DOCK9: variants seen among roughly 807,000 people sequenced by gnomAD.
DOCK9 encodes dedicator of cytokinesis protein 9.
In DOCK9, 89 loss-of-function variants were observed where a neutral mutation model predicts 263.3. That is an observed-to-expected ratio of 0.34 (90% confidence interval 0.28 to 0.40). The LOEUF (loss-of-function observed/expected upper bound fraction) is 0.40, where lower values mean the gene tolerates loss of function less well. Among genes scored for constraint, DOCK9 ranks in the 10% least tolerant of loss-of-function variants. The probability of loss-of-function intolerance (pLI) is 1.00; values close to 1 mark genes in which losing one functional copy is unlikely to be tolerated. For missense variants in DOCK9, 2,140 were observed against 2,603.4 expected (o/e 0.82, Z 3.87); for synonymous variants, 976 against 973.1 (o/e 1.00, Z -0.06).
intron 45 of DOCK9, among the ~76,000 whole-genome samples, chr13:98,811,937 TATAA>T (rs1454345511): frequency 5.3e-5 from 8 of 152,208 alleles, no homozygotes; most frequent in Non-Finnish European, 5.9e-5. Context: ...TCTAATGAAG[TATAA>T]ATATTCTTTT....
intron 1 of DOCK9, among the ~76,000 whole-genome samples, chr13:99,084,925 C>T (rs2042270690): frequency 6.6e-6 from 1 of 152,220 alleles, no homozygotes; most frequent in Non-Finnish European, 1.5e-5. Context: ...TGGTCTATTC[C>T]CAACTCCTGC....
chr13:98,858,761 A>AGCTGC (rs2093770041), intron 33 of DOCK9: 1 of 152,234 alleles, frequency 6.6e-6, no homozygotes, highest in Non-Finnish European at 1.5e-5. Context: ...TCACAGCTGC[A>AGCTGC]ATGTCAGTGC....
intron 33 of DOCK9, chr13:98,859,750 T>TGC (rs2093805010): frequency 2.0e-5 from 1 of 49,716 alleles, no homozygotes; most frequent in African/African-American, 6.5e-5. Flanking sequence ...TGTGTGTGTG[T>TGC]GTGTATATAT....
intron 15 of DOCK9, 76 bp downstream of exon 15, chr13:98,897,412 G>C: frequency 6.4e-7 from 1 of 1,570,932 alleles, no homozygotes; most frequent in East Asian, 2.3e-5. Context: ...CAACCTAAGT[G>C]ACTGCTCCCC....
intron 3 of DOCK9, among the ~76,000 whole-genome samples, chr13:98,926,389 CATT>C (rs779876346): frequency 4.6e-5 from 7 of 152,264 alleles, no homozygotes; most frequent in Non-Finnish European, 1.0e-4. Context: ...TTTTTCTTTC[CATT>C]CATAAGGAAA....
At chr13:98,984,293 A>G (rs1478223967) in intron 1 of DOCK9, among the ~76,000 whole-genome samples, 1 of 152,232 alleles carries the variant, frequency 6.6e-6, no homozygotes, top group African/African-American at 2.4e-5. Context: ...CATGAGGTAA[A>G]CAAACAACCA....
intron 2 of DOCK9, among the ~76,000 whole-genome samples, chr13:98,941,168 G>T (rs1358661066): frequency 6.6e-6 from 1 of 152,178 alleles, no homozygotes; most frequent in African/African-American, 2.4e-5. Flanking sequence ...AGATACTTCT[G>T]TGTCTCCTGC....
chr13:98,905,693 G>T (rs949029637), intron 9 of DOCK9, among the ~76,000 whole-genome samples: 1 of 151,720 alleles, frequency 6.6e-6, no homozygotes, highest in African/African-American at 2.4e-5. Context: ...ACATAAAAAT[G>T]GGCAACCAGC....
At position 98,881,957 on chromosome 13, in the gene DOCK9, GAT is replaced by G; in HGVS notation, c.2608_2609del (p.Ile870ProfsTer19). ...TGAGGACTCGGAACAGCTGGTTTAG[GAT>G]AGTGGGCAAGAAGGCGATCATCACG... ...GHVMIAFLPT[I>X]LNQLFRVLTR... On this transcript the variant is annotated frameshift_variant, in exon 24 of 53. Coordinates refer to ENST00000682017, the MANE Select transcript of DOCK9 (RefSeq NM_001366683.2). LOFTEE classifies it high-confidence loss of function. The G allele has an allele frequency of 6.2e-7, 1 of 1,601,396 alleles. No homozygotes were observed. Among genetic ancestry groups the G allele is most frequent in the Non-Finnish European group, 8.5e-7 (1 of 1,174,220 alleles).
intron 23 of DOCK9, 103 bp from the exon 24 acceptor site, chr13:98,882,110 A>T: frequency 1.1e-6 from 1 of 948,354 alleles, no homozygotes; most frequent in Non-Finnish European, 1.6e-6. Context: ...TCCCTCTAAA[A>T]CAAAGGGAAG....
At chr13:98,956,494 T>G (rs1421778136) in intron 1 of DOCK9, among the ~76,000 whole-genome samples, 1 of 152,190 alleles carries the variant, frequency 6.6e-6, no homozygotes, top group Non-Finnish European at 1.5e-5. Flanking sequence ...ACACCCGTAA[T>G]CTCAGCACTT....
chr13:98,819,831 G>A (rs1594326286), intron 45 of DOCK9, among the ~76,000 whole-genome samples: 1 of 152,360 alleles, frequency 6.6e-6, no homozygotes. Flanking sequence ...TCCTGGGATA[G>A]TCTATGGATA....
chr13:98,982,261 G>C (rs1877391436), upstream of DOCK9, among the ~76,000 whole-genome samples: 1 of 152,258 alleles, frequency 6.6e-6, no homozygotes. Context: ...GTGACTCAAA[G>C]GAAAGCTAAC....
intron 15 of DOCK9, among the ~76,000 whole-genome samples, chr13:98,895,708 A>C (rs1027228947): frequency 6.6e-5 from 10 of 152,322 alleles, no homozygotes; most frequent in African/African-American, 2.2e-4. Flanking sequence ...ACGAAGGTTA[A>C]AACTAGTAGT....
At chr13:98,957,731 A>AT (rs2058214273) in intron 1 of DOCK9, among the ~76,000 whole-genome samples, 1 of 152,234 alleles carries the variant, frequency 6.6e-6, no homozygotes, top group Admixed American at 6.5e-5. Flanking sequence ...GTCGTGATTA[A>AT]TAACATTTTC....
intron 1 of DOCK9, among the ~76,000 whole-genome samples, chr13:98,991,390 A>G (rs1360772484): frequency 6.6e-6 from 1 of 152,172 alleles, no homozygotes; most frequent in Middle Eastern, 3.2e-3. Flanking sequence ...AATTTCAATA[A>G]CAAGTGTGAC....
intron 33 of DOCK9, chr13:98,858,458 A>G (rs1222323034): frequency 6.6e-6 from 1 of 152,218 alleles, no homozygotes; most frequent in Non-Finnish European, 1.5e-5. Context: ...TCTAACAGAG[A>G]TGTAAGGAGA....
rs545799699 is a variant in DOCK9 at position 98,975,559 on chromosome 13, A to G, written c.126+2225T>C. On this transcript the variant is annotated intron_variant, in intron 1 of 52. Coordinates refer to ENST00000682017, the MANE Select transcript of DOCK9 (RefSeq NM_001366683.2). ...GAAAGTCTGGAAGTATATACACTGAATTATTAATAATGGTCACCACTGGAG... is the reference window on the plus strand; with the variant it reads ...GAAAGTCTGGAAGTATATACACTGAGTTATTAATAATGGTCACCACTGGAG... 1.7e-3 allele frequency among the ~76,000 whole-genome samples: 258 copies of G among 151,896 alleles called. 1 individual carries two copies. The highest frequency in any genetic ancestry group is 3.1e-3 in the Non-Finnish European group (214 of 67,960).
At chr13:99,012,655 C>G (rs1480432881) in intron 1 of DOCK9, among the ~76,000 whole-genome samples, 1 of 152,140 alleles carries the variant, frequency 6.6e-6, no homozygotes, top group Non-Finnish European at 1.5e-5. Flanking sequence ...CAAGGAAGTA[C>G]CAATGGGCAG....
Sources: gnomAD v4.1 joint callset for allele counts (sites outside exome capture counted in the v4.1 genomes callset) on GRCh38, gnomAD v4.1.1 for gene constraint, MANE v1.5 for transcripts, NCBI Gene and HGNC (gene_info 2026-07-23, HGNC 2026-07-21) for gene names.